Variants in BZW1 observed in about 807,000 individuals in gnomAD.
BZW1 encodes the protein eIF5-mimic protein 2.
BZW1 carries 3 observed loss-of-function variants against 54.1 expected under a neutral mutation model. The ratio of observed to expected loss-of-function variants is 0.06; its 90% CI spans 0.03 to 0.14. The LOEUF is 0.14. Among genes scored for constraint, BZW1 ranks in the 10% least tolerant of loss-of-function variants. The pLI, the probability that BZW1 is intolerant of heterozygous loss-of-function variation, is 1.00. For missense variants in BZW1, 206 were observed against 491.7 expected, an observed-to-expected ratio of 0.42 and a Z score of 5.50; for synonymous variants, 152 against 162.7, an observed-to-expected ratio of 0.93 and a Z score of 0.50.
In BZW1 at chr2:200,815,417, G is replaced by A; in HGVS notation, c.141G>A (p.Leu47=). The change falls in exon 3 of 12, where the codon TTG becomes TTA. Residue 47 remains leucine, a synonymous_variant. Coordinates refer to ENST00000409600, the MANE Select transcript of BZW1 (RefSeq NM_001207067.2). The part of the protein sequence containing the change: ...IQGLTETGTD[L]EAVAKFLDAS... ...GCTTAACTGAAACCGGTACTGATTT[G>A]GAAGCAGTAGCTAAGTTTCTTGATG... 2 of 1,613,928 alleles carry A rather than the reference G, an allele frequency of 1.2e-6. No individual in the cohort carries two copies.
In BZW1 at chr2:200,826,423, T is replaced by TGATAGA. The variant is rs1166263813; in HGVS notation, c.*4245_*4246insGATAGA. The stretch of plus-strand genomic sequence containing the variant: ...TAGATAGATATTTTTTTTTTTTTTT[T>TGATAGA]TTTTTTTTTTTTTTTTTTTGAGACA... On this transcript the variant is annotated 3_prime_UTR_variant, in exon 12 of 12. Transcript: ENST00000409600. 1 of 92,700 alleles carries TGATAGA rather than the reference T, an allele frequency of 1.1e-5. No homozygotes were observed. Among genetic ancestry groups the TGATAGA allele is most frequent in the African/African-American group, 4.0e-5 (1 of 24,936 alleles). 5.7% of individuals were successfully genotyped at this position (92,700 alleles called of 1,614,324 possible). A position where few individuals can be genotyped will look rare whatever the true frequency, so the allele number is the denominator to read the frequency against.
At position 200,818,250 on chromosome 2, in the gene BZW1, G is replaced by A. The variant is rs745416927; in HGVS notation, c.676G>A (p.Val226Ile). The change falls in exon 8 of 12, where the codon GTT (valine) becomes ATT (isoleucine). Residue 226 changes from valine (V) to isoleucine (I), a missense_variant. By Grantham distance (29) the Val-to-Ile change is conservative (BLOSUM62 3). Transcript: ENST00000409600. ...MELFPANKQS[V>I]EHFTKYFTEA... ...ACTCTTTCCTGCCAATAAGCAAAGTGTTGAACACTTCACAAAATATTTTAC... is the reference window on the plus strand; with the variant it reads ...ACTCTTTCCTGCCAATAAGCAAAGTATTGAACACTTCACAAAATATTTTAC... 1 of 1,596,642 alleles carries A rather than the reference G, an allele frequency of 6.3e-7. No individual in the cohort carries two copies. The highest frequency in any genetic ancestry group is 1.8e-5 in the Admixed American group (1 of 55,396).
chr2:200,815,606 A>G (rs534290427), intron 3 of BZW1, 61 bp from the exon 4 acceptor site: 1 of 1,588,678 alleles, frequency 6.3e-7, no homozygotes, highest in East Asian at 2.3e-5. Context: ...CTATTTGGCA[A>G]ACTTGTTAAA....
At chr2:200,812,311 T>C (rs1278622020) in intron 1 of BZW1, 1 of 1,255,012 alleles carries the variant, frequency 8.0e-7, no homozygotes, top group East Asian at 3.1e-5. Flanking sequence ...TTGTGTGATG[T>C]ACGCGTGGGG....
chr2:200,812,257 C>T, intron 1 of BZW1: 2 of 1,232,092 alleles, frequency 1.6e-6, no homozygotes, highest in Non-Finnish European at 2.0e-6. Flanking sequence ...CGGGCTCCCT[C>T]TGGGCCGTGC....
At position 200,818,904 on chromosome 2, in the gene BZW1, A is replaced by T. The variant is rs892189564; in HGVS notation, c.966+3A>T. 3 of 1,571,810 alleles carry T rather than the reference A, an allele frequency of 1.9e-6. No homozygotes were observed. The highest frequency in any genetic ancestry group is 2.6e-6 in the Non-Finnish European group (3 of 1,163,744). ...AGCAAGCCATCAAGCACTTGAAGGT[A>T]TTAGAACTATGCCTTGACAAAACAA... is the stretch of plus-strand genomic sequence containing the variant. On this transcript the variant is annotated splice_donor_region_variant and intron_variant, in intron 9 of 11. Coordinates refer to ENST00000409600, the MANE Select transcript of BZW1 (RefSeq NM_001207067.2).
At chr2:200,813,858 A>G (rs930188865) in intron 2 of BZW1, among the ~76,000 whole-genome samples, 2 of 152,202 alleles carry the variant, frequency 1.3e-5, no homozygotes, top group Non-Finnish European at 2.9e-5. Flanking sequence ...AAAGCTAAAT[A>G]AGACGTAGTC....
At chr2:200,816,665 G>A (rs2038303999) in intron 5 of BZW1, among the ~76,000 whole-genome samples, 1 of 152,034 alleles carries the variant, frequency 6.6e-6, no homozygotes, top group African/African-American at 2.4e-5. Flanking sequence ...CTAATTTTCT[G>A]TTTTTAGTAG....
chr2:200,821,820 T>TA (rs1172161412), intron 11 of BZW1, among the ~76,000 whole-genome samples: 1 of 152,130 alleles, frequency 6.6e-6, no homozygotes, highest in African/African-American at 2.4e-5. Flanking sequence ...CCTGTAATCC[T>TA]AGCACTTTGG....
Position 200,816,397 on chromosome 2 carries a change from G to C in BZW1, c.402+7G>C. 1 of 1,561,110 alleles carries C rather than the reference G, an allele frequency of 6.4e-7. No homozygotes were observed. The highest frequency in any genetic ancestry group is 8.8e-7 in the Non-Finnish European group (1 of 1,140,450). ...TGAAGATGAAGTAAAAAAGGTATGA[G>C]TAATAATGTACTTTGTGGAAAAGAA... On this transcript the variant is annotated splice_region_variant and intron_variant, in intron 5 of 11. Coordinates refer to ENST00000409600, the MANE Select transcript of BZW1 (RefSeq NM_001207067.2).
rs2038621401 is a variant in BZW1, at chr2:200,823,991, G to A, written c.*1813G>A. On this transcript the variant is annotated 3_prime_UTR_variant, in exon 12 of 12. Transcript: ENST00000409600. ...ACCACCTACACAGAATTCTGGTGTAGCTAAAACTACATTAATATTTCTACA... is the reference window on the plus strand; with the variant it reads ...ACCACCTACACAGAATTCTGGTGTAACTAAAACTACATTAATATTTCTACA... The A allele has an allele frequency of 6.6e-6, 1 of 152,034 alleles. No homozygotes were observed. Among genetic ancestry groups the A allele is most frequent in the Non-Finnish European group, 1.5e-5 (1 of 67,998 alleles). The allele number at this position is 152,034 out of a possible 1,614,324, so 9.4% of individuals were successfully genotyped here. A position where few individuals can be genotyped will look rare whatever the true frequency, so the allele number is the denominator to read the frequency against.
upstream of BZW1, chr2:200,811,817 G>A (rs866623797): frequency 6.1e-6 from 1 of 162,954 alleles, no homozygotes; most frequent in African/African-American, 2.4e-5. Context: ...AGGCGGAAGC[G>A]CCTGTCCACG....
rs575983232 is a variant in BZW1 at position 200,813,777 on chromosome 2, A to T, written c.64+496A>T. ...GAAAAAGTATTAGAATTATATTACT[A>T]TTTTTTTTTTGCATTAGTGTGTACT... On this transcript the variant is annotated intron_variant, in intron 2 of 11. Coordinates refer to ENST00000409600, the MANE Select transcript of BZW1 (RefSeq NM_001207067.2). Among the ~76,000 whole-genome samples, 88 of 149,288 alleles carry T rather than the reference A, an allele frequency of 5.9e-4. No homozygotes were observed. In the East Asian group the frequency reaches 0.016, roughly 26 times the overall value.
chr2:200,816,996 T>C, intron 5 of BZW1, 110 bp from the exon 6 acceptor site: 3 of 1,309,700 alleles, frequency 2.3e-6, no homozygotes, highest in Non-Finnish European at 3.1e-6. Flanking sequence ...CTTGGATGGT[T>C]AGATCCCAGA....
rs1352012971 is a variant in BZW1, at chr2:200,826,401, ATAGATATTTTTTTTTTTT to A, written c.*4225_*4242del. ...GATAGATAGATAGATAGATAGATAG[ATAGATATTTTTTTTTTTT>A]TTTTTTTTTTTTTTTTTTTTTTTGA... On this transcript the variant is annotated 3_prime_UTR_variant, in exon 12 of 12. Transcript: ENST00000409600. The A allele has an allele frequency of 4.6e-5, 3 of 65,242 alleles. No individual in the cohort carries two copies. The highest frequency in any genetic ancestry group is 3.1e-4 in the Admixed American group (2 of 6,432). 4.0% of individuals were successfully genotyped at this position (65,242 alleles called of 1,614,324 possible).
chr2:200,816,175 G>A (rs567187521), intron 4 of BZW1, 150 bp from the exon 5 acceptor site: 7 of 500,812 alleles, frequency 1.4e-5, no homozygotes, highest in Admixed American at 1.1e-4. Flanking sequence ...AAGAATTAAA[G>A]TACATCTAAC....
intron 10 of BZW1, among the ~76,000 whole-genome samples, chr2:200,820,816 C>T (rs993456527): frequency 6.6e-6 from 1 of 152,316 alleles, no homozygotes; most frequent in Non-Finnish European, 1.5e-5. Context: ...GTTGACTTTC[C>T]GTAGTCCTTC....
At chr2:200,822,068 T>C in intron 11 of BZW1, 79 bp from the exon 12 acceptor site, 1 of 1,364,842 alleles carries the variant, frequency 7.3e-7, no homozygotes, top group Non-Finnish European at 1.0e-6. Context: ...GACTCTGTCT[T>C]AAAGAAGCTT....
rs1021837767 is a variant in BZW1 at position 200,822,292 on chromosome 2, G to A, written c.*114G>A. The A allele has an allele frequency of 2.4e-6, 2 of 828,262 alleles. No homozygotes were observed. The highest frequency in any genetic ancestry group is 1.9e-5 in the African/African-American group (1 of 51,536). 51.3% of individuals were successfully genotyped at this position (828,262 alleles called of 1,614,324 possible). ...TCCCTGTATCAAGCATGATATAAGG[G>A]CTTTCATGGCAAATTTTATTTTAAC... On this transcript the variant is annotated 3_prime_UTR_variant, in exon 12 of 12. Coordinates refer to ENST00000409600, the MANE Select transcript of BZW1 (RefSeq NM_001207067.2).
Sources: allele counts gnomAD v4.1 joint callset (sites outside exome capture counted in the v4.1 genomes callset), GRCh38; gene constraint gnomAD v4.1.1; transcripts MANE v1.5; gene names NCBI Gene and HGNC (gene_info 2026-07-23, HGNC 2026-07-21).